ENOX1: variants seen among roughly 807,000 people sequenced by gnomAD.
ENOX1 encodes candidate growth-related and time keeping constitutive hydroquinone (NADH) oxidase.
A neutral mutation model predicts 82.5 loss-of-function variants in ENOX1; 42 were observed. The ratio of observed to expected loss-of-function variants is 0.51; its 90% CI spans 0.40 to 0.66. ENOX1 has a LOEUF of 0.66. ENOX1 is among the 30% of genes least tolerant of loss of function. ENOX1 has a pLI of 0.00. For missense variants in ENOX1, 608 were observed against 811.6 expected (o/e 0.75, Z 3.05); for synonymous variants, 271 against 282.2 (o/e 0.96, Z 0.40).
chr13:43,416,190 C>A (rs1183418744), intron 3 of ENOX1, among the ~76,000 whole-genome samples: 1 of 38,108 alleles, frequency 2.6e-5, no homozygotes, highest in Non-Finnish European at 5.5e-5. Context: ...GCGCTCCTCA[C>A]ATCCCAGACG....
intron 1 of ENOX1, among the ~76,000 whole-genome samples, chr13:43,667,956 G>A (rs955908441): frequency 6.6e-6 from 1 of 152,162 alleles, no homozygotes; most frequent in African/African-American, 2.4e-5. Context: ...AGTTTTAGGG[G>A]TTGACTGGTA....
intron 5 of ENOX1, among the ~76,000 whole-genome samples, chr13:43,385,284 G>T (rs2052338981): frequency 6.6e-6 from 1 of 151,742 alleles, no homozygotes; most frequent in Non-Finnish European, 1.5e-5. Context: ...CTTTTATATT[G>T]AGCAACAATT....
intron 5 of ENOX1, among the ~76,000 whole-genome samples, chr13:43,403,951 G>A (rs866063513): frequency 1.3e-5 from 2 of 152,138 alleles, no homozygotes; most frequent in Non-Finnish European, 2.9e-5. Context: ...CATGTGTAGC[G>A]TCTATGGCAG....
At chr13:43,335,780 A>AAG (rs1566541348) in intron 9 of ENOX1, among the ~76,000 whole-genome samples, 1 of 151,550 alleles carries the variant, frequency 6.6e-6, no homozygotes, top group Non-Finnish European at 1.5e-5. Flanking sequence ...AAAAAAAAAA[A>AAG]AAAGAAAAGA....
chr13:43,533,241 T>C (rs2078308160), intron 2 of ENOX1, among the ~76,000 whole-genome samples: 1 of 152,230 alleles, frequency 6.6e-6, no homozygotes, highest in South Asian at 2.1e-4. Flanking sequence ...GGAGGGCTGA[T>C]TGAAGAAGAG....
intron 5 of ENOX1, among the ~76,000 whole-genome samples, chr13:43,369,596 G>T: frequency 6.6e-6 from 1 of 152,190 alleles, no homozygotes; most frequent in Non-Finnish European, 1.5e-5. Context: ...TCTGCAGAAG[G>T]ATACTCTCAT....
At chr13:43,473,387 G>A (rs918617669) in intron 3 of ENOX1, among the ~76,000 whole-genome samples, 2 of 152,054 alleles carry the variant, frequency 1.3e-5, no homozygotes, top group Non-Finnish European at 1.5e-5. Context: ...CTAAAATTTA[G>A]GATGGAATTT....
intron 2 of ENOX1, among the ~76,000 whole-genome samples, chr13:43,597,786 G>A (rs999077753): frequency 7.2e-5 from 11 of 152,152 alleles, no homozygotes; most frequent in Non-Finnish European, 1.5e-4. Flanking sequence ...CTGGGTCACT[G>A]TATCTCCCAC....
chr13:43,646,570 T>C (rs1323080474), intron 2 of ENOX1, among the ~76,000 whole-genome samples: 3 of 152,180 alleles, frequency 2.0e-5, no homozygotes, highest in East Asian at 1.9e-4. Flanking sequence ...TGTTGGGTTA[T>C]TAGAATCGTC....
rs1566306989 is a variant in ENOX1, at chr13:43,470,348, A to ATATGTG, written c.-75+13660_-75+13661insCACATA. 5.4e-4 allele frequency among the ~76,000 whole-genome samples: 24 copies of ATATGTG among 44,706 alleles called. 1 individual carries two copies. Among genetic ancestry groups the ATATGTG allele is most frequent in the East Asian group, 6.4e-3 (2 of 314 alleles). 29.3% of individuals were successfully genotyped at this position (44,706 alleles called of 152,430 possible). ...TATATATGTATATATATACGTATATATATATGTATATATATACGTATATAT... is the reference window on the plus strand; with the variant it reads ...TATATATGTATATATATACGTATATATATGTGTATATGTATATATATACGTATATAT... On this transcript the variant is annotated intron_variant, in intron 3 of 16. Coordinates refer to ENST00000690772, the MANE Select transcript of ENOX1 (RefSeq NM_001347969.2).
intron 2 of ENOX1, among the ~76,000 whole-genome samples, chr13:43,587,099 A>C (rs2081033428): frequency 6.6e-6 from 1 of 152,000 alleles, no homozygotes; most frequent in African/African-American, 2.4e-5. Context: ...GAAATAGTAA[A>C]AGAACAATCA....
chr13:43,714,691 T>C (rs1428712903), intron 1 of ENOX1, among the ~76,000 whole-genome samples: 1 of 152,218 alleles, frequency 6.6e-6, no homozygotes, highest in Non-Finnish European at 1.5e-5. Flanking sequence ...TCTCTTTTGA[T>C]CTTTGTTGGT....
intron 1 of ENOX1, among the ~76,000 whole-genome samples, chr13:43,740,182 C>A (rs187675251): frequency 6.6e-6 from 1 of 152,130 alleles, no homozygotes; most frequent in African/African-American, 2.4e-5. Flanking sequence ...ATTTCTGAGG[C>A]ACAGAAATGA....
chr13:43,337,288 C>T (rs1344964808), intron 9 of ENOX1, among the ~76,000 whole-genome samples: 1 of 152,118 alleles, frequency 6.6e-6, no homozygotes, highest in Non-Finnish European at 1.5e-5. Flanking sequence ...AGAAGTGGCA[C>T]AGTGAGGTAG....
rs1053664327 is a variant in ENOX1, at chr13:43,488,224, G to A, written c.-218-4072C>T. Among the ~76,000 whole-genome samples the A allele has an allele frequency of 2.0e-5, 3 of 152,144 alleles. No homozygotes were observed. The East Asian group carries it at 5.8e-4, about 29-fold the overall frequency. Reference sequence around the variant, plus strand: ...TGAAGAGGTATAGCCTTTAAGAGATGATTAGGCCATGAGGACTCCTCCCTC... The same window carrying A: ...TGAAGAGGTATAGCCTTTAAGAGATAATTAGGCCATGAGGACTCCTCCCTC... On this transcript the variant is annotated intron_variant, in intron 2 of 16. Transcript: ENST00000690772.
intron 3 of ENOX1, among the ~76,000 whole-genome samples, chr13:43,461,528 G>A (rs184983351): frequency 3.2e-4 from 49 of 152,236 alleles, no homozygotes; most frequent in African/African-American, 1.1e-3. Context: ...CTGTCCTCAC[G>A]GACTCTATAA....
chr13:43,618,482 T>C (rs775245522), intron 2 of ENOX1, among the ~76,000 whole-genome samples: 5 of 152,214 alleles, frequency 3.3e-5, no homozygotes, highest in Admixed American at 6.5e-5. Flanking sequence ...CCAGCACCAT[T>C]TGTTGAAAAG....
At chr13:43,713,880 A>AT (rs1412836322) in intron 1 of ENOX1, among the ~76,000 whole-genome samples, 2 of 151,482 alleles carry the variant, frequency 1.3e-5, no homozygotes, top group Non-Finnish European at 2.9e-5. Context: ...GGATTCATTA[A>AT]TTTTTTGAAA....
At chr13:43,355,120 C>T (rs2153556053) in intron 8 of ENOX1, among the ~76,000 whole-genome samples, 1 of 152,302 alleles carries the variant, frequency 6.6e-6, no homozygotes, top group East Asian at 1.9e-4. Context: ...GAGGGTCTGA[C>T]CATCATTTGC....
Sources: gnomAD v4.1 joint callset for allele counts (sites outside exome capture counted in the v4.1 genomes callset) on GRCh38, gnomAD v4.1.1 for gene constraint, MANE v1.5 for transcripts, NCBI Gene and HGNC (gene_info 2026-07-23, HGNC 2026-07-21) for gene names.